HSPH1: variants seen among roughly 807,000 people sequenced by gnomAD.
HSPH1 encodes heat shock protein 105 kDa.
In HSPH1, 40 loss-of-function variants were observed where a neutral mutation model predicts 100.0. The ratio of observed to expected loss-of-function variants is 0.40; its 90% CI spans 0.31 to 0.52. The LOEUF (loss-of-function observed/expected upper bound fraction) is 0.52. HSPH1 is among the 20% of genes least tolerant of loss of function. The pLI is 0.54. For missense variants in HSPH1, 876 were observed against 1,015.1 expected, an observed-to-expected ratio of 0.86 and a Z score of 1.86; for synonymous variants, 403 against 344.0, an observed-to-expected ratio of 1.17 and a Z score of -1.90.
At chr13:31,159,325 G>T (rs1237216058) in intron 1 of HSPH1, among the ~76,000 whole-genome samples, 1 of 152,066 alleles carries the variant, frequency 6.6e-6, no homozygotes. Context: ...TTATGCAAAC[G>T]CAAGCAAATG....
chr13:31,140,378 C>T, intron 13 of HSPH1, 69 bp from the exon 14 acceptor site: 13 of 1,446,626 alleles, frequency 9.0e-6, no homozygotes, highest in Non-Finnish European at 1.2e-5. Context: ...AATATGTAGA[C>T]TCTGGGGTTT....
chr13:31,155,451 A>AT, intron 3 of HSPH1, 63 bp downstream of exon 3: 1 of 1,345,358 alleles, frequency 7.4e-7, no homozygotes, highest in Non-Finnish European at 1.0e-6. Context: ...AATAACTCAA[A>AT]TAAGTTCGTA....
intron 2 of HSPH1, among the ~76,000 whole-genome samples, chr13:31,156,765 G>A (rs1016034914): frequency 2.6e-5 from 4 of 152,188 alleles, no homozygotes; most frequent in Non-Finnish European, 5.9e-5. Flanking sequence ...AACTGCATGT[G>A]CGTATTCTGA....
chr13:31,136,461 T>G lies in HSPH1; in HGVS notation c.*857A>C, dbSNP rs1275035380. Reference sequence around the variant, plus strand: ...TTATAGTATTTTTAAAATGCTTTAATGTAATAAACATATGCTATTTTTCTG... The same window carrying G: ...TTATAGTATTTTTAAAATGCTTTAAGGTAATAAACATATGCTATTTTTCTG... On this transcript the variant is annotated 3_prime_UTR_variant, in exon 18 of 18. Transcript: ENST00000320027. 6.6e-6 allele frequency: 1 copy of G among 152,224 alleles called. No individual in the cohort carries two copies. Among genetic ancestry groups the G allele is most frequent in the Non-Finnish European group, 1.5e-5 (1 of 68,032 alleles). 9.4% of individuals were successfully genotyped at this position (152,224 alleles called of 1,614,324 possible). A position where few individuals can be genotyped will look rare whatever the true frequency, so the allele number is the denominator to read the frequency against.
intron 6 of HSPH1, 103 bp from the exon 7 acceptor site, chr13:31,151,294 G>C (rs976933870): frequency 4.3e-6 from 4 of 940,932 alleles, no homozygotes; most frequent in South Asian, 3.5e-5. Flanking sequence ...AGAGACTCAA[G>C]ACTATATTTA....
Position 31,138,799 on chromosome 13 carries a change from T to G in HSPH1, c.2190A>C (p.Ala730=). The change falls in exon 16 of 18, where the codon GCA becomes GCC. Residue 730 remains alanine, a synonymous_variant. Coordinates refer to ENST00000320027, the MANE Select transcript of HSPH1 (RefSeq NM_006644.4). ...GACTCACCTTATTTCTGAAGTCAGC[T>G]GCTATCTTGGCATAATGCTGCAGCC... ...GQRLQHYAKI[A]ADFRNKDEKY... is the part of the protein sequence containing the mutation. 4 of 1,607,904 alleles carry G rather than the reference T, an allele frequency of 2.5e-6. No individual in the cohort carries two copies. The highest frequency in any genetic ancestry group is 3.4e-6 in the Non-Finnish European group (4 of 1,178,298).
intron 6 of HSPH1, 70 bp downstream of exon 6, chr13:31,151,539 A>AGAG: frequency 7.1e-7 from 1 of 1,408,118 alleles, no homozygotes; most frequent in Non-Finnish European, 9.7e-7. Context: ...AGCCTAGTAA[A>AGAG]GAGGCTCAGT....
At position 31,145,667 on chromosome 13, in the gene HSPH1, T is replaced by C; in HGVS notation, c.1480A>G (p.Thr494Ala). Reference protein sequence around the residue: ...VNTHGIFTISTASMVEKVPTE... With the variant: ...VNTHGIFTISAASMVEKVPTE... The stretch of plus-strand genomic sequence containing the variant: ...GGGACTTTCTCCACCATAGATGCCG[T>C]AGAGATGGTGAAAATGCCATGGGTG... Residue 494 changes from threonine to alanine, a missense_variant, in exon 11 of 18, where the codon ACG becomes GCG. Physicochemically the swap from Thr to Ala is moderately conservative, Grantham distance 58 (BLOSUM62 0). Coordinates refer to ENST00000320027, the MANE Select transcript of HSPH1 (RefSeq NM_006644.4). 1.9e-6 allele frequency: 3 copies of C among 1,613,274 alleles called. No individual in the cohort carries two copies. The highest frequency in any genetic ancestry group is 1.7e-5 in the Admixed American group (1 of 59,910).
intron 12 of HSPH1, among the ~76,000 whole-genome samples, chr13:31,143,589 A>G (rs1956172946): frequency 6.6e-6 from 1 of 152,166 alleles, no homozygotes; most frequent in Admixed American, 6.6e-5. Context: ...TTAAAAGTTT[A>G]AAGCAGGACA....
In HSPH1 at chr13:31,145,646, C is replaced by G. The variant is rs761667237; in HGVS notation, c.1501G>C (p.Val501Leu). The change falls in exon 11 of 18, where the codon GTC (valine) becomes CTC (leucine). Residue 501 changes from valine (V) to leucine (L), a missense_variant. Val to Leu is a conservative substitution (Grantham distance 32, BLOSUM62 1). Transcript: ENST00000320027. ...GACATTTCATTCTCCTCAGTTGGGA[C>G]TTTCTCCACCATAGATGCCGTAGAG... ...TISTASMVEK[V>L]PTEENEMSSE... 59 of 1,613,558 alleles carry G rather than the reference C, an allele frequency of 3.7e-5. No individual in the cohort carries two copies. The Admixed American group carries it at 9.7e-4, about 26-fold the overall frequency.
chr13:31,140,994 C>T, intron 13 of HSPH1, 128 bp downstream of exon 13: 1 of 573,552 alleles, frequency 1.7e-6, no homozygotes, highest in South Asian at 4.7e-5. Flanking sequence ...TGTCTTCATC[C>T]TATCCCTAAA....
rs773139666 is a variant in HSPH1, at chr13:31,155,563, T to A, written c.257A>T (p.Asn86Ile). ...CAATGGAACCAAATCGTAACTCAAG[T>A]TTTCCTTCTCCTTTTGAATGAAGGG... Reference protein sequence around the residue: ...NDPFIQKEKENLSYDLVPLKN... With the variant: ...NDPFIQKEKEILSYDLVPLKN... Residue 86 changes from asparagine to isoleucine, a missense_variant, in exon 3 of 18, where the codon AAC becomes ATC. Physicochemically the swap from Asn to Ile is moderately radical, Grantham distance 149. Coordinates refer to ENST00000320027, the MANE Select transcript of HSPH1 (RefSeq NM_006644.4). 1 of 1,612,500 alleles carries A rather than the reference T, an allele frequency of 6.2e-7. No homozygotes were observed. Among genetic ancestry groups the A allele is most frequent in the Non-Finnish European group, 8.5e-7 (1 of 1,178,992 alleles).
intron 1 of HSPH1, among the ~76,000 whole-genome samples, chr13:31,160,701 T>C (rs575845513): frequency 3.9e-5 from 6 of 152,216 alleles, no homozygotes; most frequent in Non-Finnish European, 7.3e-5. Context: ...CACAAAAGTA[T>C]GCAATTTTTA....
rs376221831 is a variant in HSPH1 at position 31,143,815 on chromosome 13, T to C, written c.1693A>G (p.Asn565Asp). 1.9e-6 allele frequency: 3 copies of C among 1,609,990 alleles called. No individual in the cohort carries two copies. The highest frequency in any genetic ancestry group is 2.7e-5 in the African/African-American group (2 of 74,784). ...ACTTTGTCAGCATCTGGGATTTTGT[T>C]TTCTTCTGAGGTAAGTTCAGGTGAA... ...PPSPELTSEE[N>D]KIPDADKANE... Residue 565 changes from asparagine to aspartate, a missense_variant, in exon 12 of 18, where the codon AAC becomes GAC. By Grantham distance (23) the Asn-to-Asp change is conservative. Coordinates refer to ENST00000320027, the MANE Select transcript of HSPH1 (RefSeq NM_006644.4).
chr13:31,146,583 A>G (rs931884458), intron 10 of HSPH1, among the ~76,000 whole-genome samples: 1 of 152,190 alleles, frequency 6.6e-6, no homozygotes, highest in African/African-American at 2.4e-5. Context: ...GTTTTAAATA[A>G]GGGAGGTGAG....
At chr13:31,157,889 A>G (rs754248410) in intron 2 of HSPH1, among the ~76,000 whole-genome samples, 17 of 152,004 alleles carry the variant, frequency 1.1e-4, no homozygotes, top group Non-Finnish European at 1.9e-4. Context: ...TATCACTTCA[A>G]TAAGTAGTCA....
chr13:31,151,517 C>A, intron 6 of HSPH1, 92 bp downstream of exon 6: 2 of 1,203,612 alleles, frequency 1.7e-6, no homozygotes, highest in Non-Finnish European at 1.2e-6. Context: ...CTCTTCATTA[C>A]CAAGAAGAAA....
chr13:31,159,361 A>C (rs1956814602), intron 1 of HSPH1, among the ~76,000 whole-genome samples: 1 of 152,230 alleles, frequency 6.6e-6, no homozygotes, highest in Admixed American at 6.5e-5. Context: ...TCTGAAGTTT[A>C]AAGAGCACAA....
At chr13:31,157,172 G>T (rs1449125802) in intron 2 of HSPH1, among the ~76,000 whole-genome samples, 1 of 152,214 alleles carries the variant, frequency 6.6e-6, no homozygotes, top group African/African-American at 2.4e-5. Context: ...AAACTGAGAT[G>T]AAGTATGTCT....
Sources: gnomAD v4.1 joint callset for allele counts (sites outside exome capture counted in the v4.1 genomes callset) on GRCh38, gnomAD v4.1.1 for gene constraint, MANE v1.5 for transcripts, NCBI Gene and HGNC (gene_info 2026-07-23, HGNC 2026-07-21) for gene names.